FSD1L: variants seen among roughly 807,000 people sequenced by gnomAD.
FSD1L encodes FSD1-like protein.
In FSD1L, 45 loss-of-function variants were observed where a neutral mutation model predicts 71.6. That is an observed-to-expected ratio of 0.63 (90% CI 0.49 to 0.81). The LOEUF (loss-of-function observed/expected upper bound fraction) is 0.81, where lower values mean the gene tolerates loss of function less well. Among genes scored for constraint, FSD1L ranks in the 30% least tolerant of loss-of-function variants. The pLI, the probability that FSD1L is intolerant of heterozygous loss-of-function variation, is 0.00. For synonymous variants in FSD1L, 197 were observed against 207.2 expected (o/e 0.95, Z 0.42); for missense variants, 561 against 618.1 (o/e 0.91, Z 0.98).
chr9:105,449,924 T>TTAG (rs998464983), intron 1 of FSD1L, among the ~76,000 whole-genome samples: 2 of 152,222 alleles, frequency 1.3e-5, no homozygotes, highest in Non-Finnish European at 2.9e-5. Flanking sequence ...CTTCTCTTTC[T>TTAG]TAGTAGTAGT....
At chr9:105,508,453 AG>A (rs1382362725) in intron 8 of FSD1L, among the ~76,000 whole-genome samples, 163 bp from the exon 9 acceptor site, 25 of 152,302 alleles carry the variant, frequency 1.6e-4, no homozygotes, top group Admixed American at 1.4e-3. Context: ...CTGGGATTAC[AG>A]GTGTGAGCCA....
rs117390761 is a variant in FSD1L at position 105,542,222 on chromosome 9, A to G, written c.1467+2871A>G. On this transcript the variant is annotated intron_variant, in intron 13 of 13. Coordinates refer to ENST00000481272, the MANE Select transcript of FSD1L (RefSeq NM_001145313.3). ...TGGCTGTACCATTTTTTGCCTTCCTATCAGTGATATGAGAGTTGGTCATAT... is the reference window on the plus strand; with the variant it reads ...TGGCTGTACCATTTTTTGCCTTCCTGTCAGTGATATGAGAGTTGGTCATAT... Among the ~76,000 whole-genome samples the G allele has an allele frequency of 8.0e-3, 1,217 of 152,280 alleles. 11 individuals carry two copies. The highest frequency in any genetic ancestry group is 0.021 in the Middle Eastern group (6 of 292).
intron 7 of FSD1L, among the ~76,000 whole-genome samples, chr9:105,494,195 C>G (rs1306211788): frequency 1.3e-5 from 2 of 152,096 alleles, no homozygotes. Flanking sequence ...AGGCTTTGTT[C>G]ATTTCTTTTT....
At chr9:105,525,407 A>G in intron 10 of FSD1L, 1 of 1,606,368 alleles carries the variant, frequency 6.2e-7, no homozygotes, top group Non-Finnish European at 8.5e-7. Context: ...CAAGAAAGTG[A>G]TGTTATTAAT....
chr9:105,495,274 G>A (rs1179479863), intron 7 of FSD1L, among the ~76,000 whole-genome samples: 2 of 152,154 alleles, frequency 1.3e-5, no homozygotes, highest in South Asian at 2.1e-4. Flanking sequence ...AGCAATCAGC[G>A]AGACTCCGTG....
rs185195814 is a variant in FSD1L at position 105,451,695 on chromosome 9, A to G, written c.15+3460A>G. On this transcript the variant is annotated intron_variant, in intron 1 of 13. Coordinates refer to ENST00000481272, the MANE Select transcript of FSD1L (RefSeq NM_001145313.3). ...GTTATGGATAGGTGGCTTTTGTTTG[A>G]TACTCAAACCTTTTGATTATGCCTT... 8.3e-3 allele frequency among the ~76,000 whole-genome samples: 1,267 copies of G among 152,312 alleles called. 20 individuals are homozygous for G. Among genetic ancestry groups the G allele is most frequent in the African/African-American group, 0.029 (1,210 of 41,564 alleles).
chr9:105,521,469 A>G lies in FSD1L; in HGVS notation c.1025+8533A>G. The G allele has an allele frequency of 6.8e-6, 11 of 1,613,862 alleles. No homozygotes were observed. In the South Asian group the frequency reaches 1.2e-4, roughly 18 times the overall value. On this transcript the variant is annotated intron_variant, in intron 10 of 13. Transcript: ENST00000481272. ...TCGCAGAGTTTTTTCTTCTAAAAGG[A>G]GTAATGTAAACTTTGTGACAGAGAT...
At chr9:105,463,712 T>G (rs1324112771) in intron 2 of FSD1L, among the ~76,000 whole-genome samples, 2 of 152,236 alleles carry the variant, frequency 1.3e-5, no homozygotes, top group African/African-American at 2.4e-5. Context: ...TAAAATTGCT[T>G]TATTTATTAT....
At chr9:105,470,161 A>C (rs1327375397) in intron 4 of FSD1L, among the ~76,000 whole-genome samples, 1 of 152,116 alleles carries the variant, frequency 6.6e-6, no homozygotes, top group Non-Finnish European at 1.5e-5. Context: ...GGGTTCCTAT[A>C]GTTTTGTAAG....
Position 105,489,076 on chromosome 9 carries a change from T to C in FSD1L, c.586+4574T>C, listed in dbSNP as rs527785695. Among the ~76,000 whole-genome samples the C allele has an allele frequency of 2.1e-3, 314 of 152,246 alleles. 1 individual carries two copies. The highest frequency in any genetic ancestry group is 7.0e-3 in the African/African-American group (291 of 41,568). On this transcript the variant is annotated intron_variant, in intron 7 of 13. Coordinates refer to ENST00000481272, the MANE Select transcript of FSD1L (RefSeq NM_001145313.3). ...GCATTAAGATTAAGATGACAATGAC[T>C]ATATCAGCTGACTATTATAAATAGA...
chr9:105,494,911 T>C (rs1833247592), intron 7 of FSD1L, among the ~76,000 whole-genome samples: 1 of 152,110 alleles, frequency 6.6e-6, no homozygotes. Context: ...TCTGCCCCTA[T>C]GGAGGGGGTG....
intron 8 of FSD1L, 90 bp downstream of exon 8, chr9:105,506,698 A>C: frequency 4.0e-6 from 4 of 999,734 alleles, no homozygotes; most frequent in Non-Finnish European, 6.0e-6. Context: ...ATAAAGTTTT[A>C]AAGTTTCTTT....
intron 1 of FSD1L, among the ~76,000 whole-genome samples, chr9:105,453,357 A>G (rs902365966): frequency 2.0e-5 from 3 of 151,620 alleles, no homozygotes; most frequent in African/African-American, 7.3e-5. Context: ...AATTTTTTAA[A>G]TTTTTAGTGG....
chr9:105,464,446 T>C (rs1255656022), intron 3 of FSD1L, 115 bp downstream of exon 3: 1 of 500,908 alleles, frequency 2.0e-6, no homozygotes, highest in Non-Finnish European at 3.6e-6. Flanking sequence ...GAGCAGAGCT[T>C]TAAAATAGCA....
At chr9:105,456,902 A>T (rs1227906077) in intron 1 of FSD1L, among the ~76,000 whole-genome samples, 1 of 152,204 alleles carries the variant, frequency 6.6e-6, no homozygotes, top group Non-Finnish European at 1.5e-5. Context: ...CAGATAATTT[A>T]TATTGCCTTT....
chr9:105,491,493 C>T (rs537258535), intron 7 of FSD1L, among the ~76,000 whole-genome samples: 1 of 152,188 alleles, frequency 6.6e-6, no homozygotes, highest in East Asian at 1.9e-4. Flanking sequence ...CCTTTATTTC[C>T]TTCTCCTGCC....
chr9:105,505,449 C>T (rs999666487), intron 7 of FSD1L, among the ~76,000 whole-genome samples: 5 of 151,976 alleles, frequency 3.3e-5, no homozygotes, highest in East Asian at 3.9e-4. Context: ...TTAGTAGAGA[C>T]GGGGTTTCAC....
rs150393891 is a variant in FSD1L, at chr9:105,527,979, C to T, written c.1026-6514C>T. 6.0e-3 allele frequency among the ~76,000 whole-genome samples: 914 copies of T among 152,258 alleles called. 15 individuals carry two copies. The highest frequency in any genetic ancestry group is 0.021 in the African/African-American group (870 of 41,542). ...ATACAAAATCAATATGCAAAAATCACAAACATTCCTATACCCCAATGACAG... is the reference window on the plus strand; with the variant it reads ...ATACAAAATCAATATGCAAAAATCATAAACATTCCTATACCCCAATGACAG... On this transcript the variant is annotated intron_variant, in intron 10 of 13. Transcript: ENST00000481272.
In FSD1L at chr9:105,468,332, C is replaced by G; in HGVS notation, c.339+8C>G. 1 of 1,475,516 alleles carries G rather than the reference C, an allele frequency of 6.8e-7. No individual in the cohort carries two copies. Among genetic ancestry groups the G allele is most frequent in the Non-Finnish European group, 8.9e-7 (1 of 1,120,570 alleles). The allele number at this position is 1,475,516 out of a possible 1,614,324, so 91.4% of individuals were successfully genotyped here. On this transcript the variant is annotated splice_region_variant and intron_variant, in intron 4 of 13. Transcript: ENST00000481272. ...AAATCCCAAGAGTTACAGGTGAGATCATACAGCTATTGAAATATGGATAAT... is the reference window on the plus strand; with the variant it reads ...AAATCCCAAGAGTTACAGGTGAGATGATACAGCTATTGAAATATGGATAAT...
Sources: gnomAD v4.1 joint callset for allele counts (sites outside exome capture counted in the v4.1 genomes callset) on GRCh38, gnomAD v4.1.1 for gene constraint, MANE v1.5 for transcripts, NCBI Gene and HGNC (gene_info 2026-07-23, HGNC 2026-07-21) for gene names.